CFAP74: variants seen among roughly 807,000 people sequenced by gnomAD.
CFAP74 encodes the protein cilia- and flagella-associated protein 74.
A neutral mutation model predicts 188.9 loss-of-function variants in CFAP74; 124 were observed. The ratio of observed to expected loss-of-function variants is 0.66; its 90% CI spans 0.57 to 0.76. The LOEUF (loss-of-function observed/expected upper bound fraction) is 0.76, where lower values mean the gene tolerates loss of function less well. Among genes scored for constraint, CFAP74 ranks in the 30% least tolerant of loss-of-function variants. The probability of loss-of-function intolerance (pLI) is 0.00; values close to 1 mark genes in which losing one functional copy is unlikely to be tolerated. For synonymous variants in CFAP74, 956 were observed against 916.7 expected, an observed-to-expected ratio of 1.04 and a Z score of -0.77; for missense variants, 2,198 against 2,165.2, an observed-to-expected ratio of 1.02 and a Z score of -0.30.
At position 1,973,009 on chromosome 1, in the gene CFAP74, T is replaced by G. The variant is rs942632674; in HGVS notation, c.713A>C (p.His238Pro). 2 of 1,614,014 alleles carry G rather than the reference T, an allele frequency of 1.2e-6. No individual in the cohort carries two copies. The highest frequency in any genetic ancestry group is 1.7e-6 in the Non-Finnish European group (2 of 1,179,996). ...LNTQKELGLR[H>P]QKLLEDARKN... The stretch of plus-strand genomic sequence containing the variant: ...CCGGGCGTCCTCCAGCAGCTTCTGG[T>G]GCCTGAGCCCGAGCTCCTTCTGGGT... Residue 238 changes from histidine to proline, a missense_variant, in exon 8 of 39, where the codon CAC becomes CCC. By Grantham distance (77) the His-to-Pro change is moderately conservative. Coordinates refer to ENST00000682832, the MANE Select transcript of CFAP74 (RefSeq NM_001304360.2). The surrounding 1 kb of genome is among the most constrained non-coding windows in gnomAD (Gnocchi z 6.2).
In CFAP74 at chr1:1,944,432, G is replaced by A. The variant is rs1286009484; in HGVS notation, c.2385C>T (p.Gly795=). The change falls in exon 21 of 39, where the codon GGC becomes GGT. Residue 795 remains glycine, a synonymous_variant. Transcript: ENST00000682832. ...CCCAGACCGGCACATCGATGGCCAC[G>A]CCCACGACCCTGAAATGCAGCTGCA... The part of the protein sequence containing the change: ...QCPTLHFRVV[G]VAIDVPVWVP... 6.5e-7 allele frequency: 1 copy of A among 1,536,050 alleles called. No homozygotes were observed. Among genetic ancestry groups the A allele is most frequent in the Non-Finnish European group, 8.7e-7 (1 of 1,146,880 alleles).
At chr1:1,963,953 G>T in intron 13 of CFAP74, 86 bp from the exon 14 acceptor site, 1 of 852,532 alleles carries the variant, frequency 1.2e-6, no homozygotes, top group Admixed American at 2.0e-5. Flanking sequence ...CAAGGTAACC[G>T]CTGGTGAGCA....
chr1:1,927,870 C>T (rs530174643), intron 27 of CFAP74, 124 bp from the exon 28 acceptor site: 20 of 1,128,726 alleles, frequency 1.8e-5, no homozygotes, highest in Middle Eastern at 2.3e-4. Flanking sequence ...AATGTGGGGA[C>T]GCAAAAGCCG....
intron 6 of CFAP74, among the ~76,000 whole-genome samples, chr1:1,982,168 C>A (rs1324871445): frequency 1.3e-5 from 2 of 148,660 alleles, no homozygotes; most frequent in Non-Finnish European, 3.0e-5. Flanking sequence ...CACAGGACAC[C>A]CAGCCACGGA....
At chr1:1,965,249 T>C (rs559939827) in intron 12 of CFAP74, among the ~76,000 whole-genome samples, 188 bp from the exon 13 acceptor site, 66 of 140,940 alleles carry the variant, frequency 4.7e-4, no homozygotes, top group African/African-American at 1.7e-3. Context: ...AGAAAGGCCC[T>C]GGGGACCGAC....
chr1:1,968,972 G>C lies in CFAP74; in HGVS notation c.1047-139C>G. The C allele has an allele frequency of 2.4e-6, 1 of 422,028 alleles. No homozygotes were observed. The highest frequency in any genetic ancestry group is 2.5e-5 in the South Asian group (1 of 40,056). The allele number at this position is 422,028 out of a possible 1,614,324, so 26.1% of individuals were successfully genotyped here. A position where few individuals can be genotyped will look rare whatever the true frequency, so the allele number is the denominator to read the frequency against. On this transcript the variant is annotated intron_variant, in intron 10 of 38. Coordinates refer to ENST00000682832, the MANE Select transcript of CFAP74 (RefSeq NM_001304360.2). The surrounding 1 kb of genome is among the most constrained non-coding windows in gnomAD (Gnocchi z 4.3). ...GCCCAGCAGCCCCAGGTGAGACAGCGCCTGGCGGCCCCTCCCTAGCTCCCT... is the reference window on the plus strand; with the variant it reads ...GCCCAGCAGCCCCAGGTGAGACAGCCCCTGGCGGCCCCTCCCTAGCTCCCT...
intron 1 of CFAP74, among the ~76,000 whole-genome samples, chr1:1,994,627 G>A (rs1363639577): frequency 6.6e-6 from 1 of 152,224 alleles, no homozygotes; most frequent in African/African-American, 2.4e-5. Context: ...AACCTATTCA[G>A]CTCTGTGCTT....
chr1:1,924,649 C>T (rs1051407364), intron 33 of CFAP74, 129 bp from the exon 34 acceptor site: 55 of 957,446 alleles, frequency 5.7e-5, no homozygotes, highest in South Asian at 2.1e-4. Flanking sequence ...GGCCTGATGA[C>T]GCCAGCACAC....
intron 14 of CFAP74, among the ~76,000 whole-genome samples, 155 bp downstream of exon 14, chr1:1,963,594 G>A (rs1655251132): frequency 6.6e-6 from 1 of 150,986 alleles, no homozygotes; most frequent in South Asian, 2.1e-4. Flanking sequence ...GACACAAGAA[G>A]ACAGAGGAGC....
At chr1:1,990,786 A>C in intron 2 of CFAP74, 104 bp downstream of exon 2, 1 of 788,660 alleles carries the variant, frequency 1.3e-6, no homozygotes, top group South Asian at 1.9e-5. Flanking sequence ...AGTGTAAAAG[A>C]TACCCTCTCC....
chr1:1,966,549 C>T (rs748063922), intron 11 of CFAP74, 23 bp from the exon 12 acceptor site: 28 of 1,501,058 alleles, frequency 1.9e-5, no homozygotes, highest in Non-Finnish European at 2.2e-5. Context: ...AGAGGAACAT[C>T]GCAAAGACAC....
rs768757860 is a variant in CFAP74, at chr1:1,990,996, A to G, written c.-19-21T>C. On this transcript the variant is annotated intron_variant, in intron 1 of 38. Coordinates refer to ENST00000682832, the MANE Select transcript of CFAP74 (RefSeq NM_001304360.2). ...ATTAGCTGCAAAAGATGATCGCAAA[A>G]TATAGATCAATAAAATCATAGATTT... 1.3e-5 allele frequency: 19 copies of G among 1,440,492 alleles called. No homozygotes were observed. In the African/African-American group the frequency reaches 2.4e-4, roughly 18 times the overall value. The allele number at this position is 1,440,492 out of a possible 1,614,324, so 89.2% of individuals were successfully genotyped here. A position where few individuals can be genotyped will look rare whatever the true frequency, so the allele number is the denominator to read the frequency against.
intron 13 of CFAP74, 44 bp from the exon 14 acceptor site, chr1:1,963,911 G>A (rs1249462362): frequency 2.3e-6 from 3 of 1,295,202 alleles, no homozygotes; most frequent in Admixed American, 1.7e-5. Flanking sequence ...GTCACAGGGG[G>A]CTGTGCTGTG....
intron 26 of CFAP74, 143 bp from the exon 27 acceptor site, chr1:1,929,025 G>A: frequency 1.6e-6 from 1 of 614,018 alleles, no homozygotes; most frequent in Non-Finnish European, 2.9e-6. Flanking sequence ...TGCCCCTTCA[G>A]GAAGCCCCTC....
At chr1:1,971,932 C>A in intron 9 of CFAP74, 48 bp downstream of exon 9, 2 of 1,473,264 alleles carry the variant, frequency 1.4e-6, no homozygotes, top group South Asian at 2.3e-5. Flanking sequence ...AGGGACGGAC[C>A]CCGGCAGGGC....
At chr1:1,982,067 C>T (rs377016786) in intron 6 of CFAP74, among the ~76,000 whole-genome samples, 1 of 89,272 alleles carries the variant, frequency 1.1e-5, no homozygotes, top group Non-Finnish European at 2.6e-5. Flanking sequence ...GGACACCCAG[C>T]CGTGGTCACA....
At position 1,968,937 on chromosome 1, in the gene CFAP74, C is replaced by G; in HGVS notation, c.1047-104G>C. The G allele has an allele frequency of 1.6e-6, 1 of 617,006 alleles. No homozygotes were observed. Among genetic ancestry groups the G allele is most frequent in the Non-Finnish European group, 2.5e-6 (1 of 406,286 alleles). 38.2% of individuals were successfully genotyped at this position (617,006 alleles called of 1,614,324 possible). On this transcript the variant is annotated intron_variant, in intron 10 of 38. Coordinates refer to ENST00000682832, the MANE Select transcript of CFAP74 (RefSeq NM_001304360.2). The surrounding 1 kb of genome is among the most constrained non-coding windows in gnomAD (Gnocchi z 4.3). ...CCCCTCCCTAGCGCCCTCCTGGGGGCTCCGGTCCTGCCCAGCAGCCCCAGG... is the reference window on the plus strand; with the variant it reads ...CCCCTCCCTAGCGCCCTCCTGGGGGGTCCGGTCCTGCCCAGCAGCCCCAGG...
At position 1,923,605 on chromosome 1, in the gene CFAP74, C is replaced by T; in HGVS notation, c.4390-106G>A. Reference sequence around the variant, plus strand: ...GAAGGAAGCAGGGACGGCCTGGGGGCCCCGTGGGGCCCTGGACTCTGGTCT... The same window carrying T: ...GAAGGAAGCAGGGACGGCCTGGGGGTCCCGTGGGGCCCTGGACTCTGGTCT... On this transcript the variant is annotated intron_variant, in intron 35 of 38. Coordinates refer to ENST00000682832, the MANE Select transcript of CFAP74 (RefSeq NM_001304360.2). The surrounding 1 kb of genome is among the most constrained non-coding windows in gnomAD (Gnocchi z 6.3). 6.6e-7 allele frequency: 1 copy of T among 1,524,516 alleles called. No individual in the cohort carries two copies. 94.4% of individuals were successfully genotyped at this position (1,524,516 alleles called of 1,614,324 possible). A position where few individuals can be genotyped will look rare whatever the true frequency, so the allele number is the denominator to read the frequency against.
At chr1:1,969,398 CAGCTT>C (rs1414851537) in intron 10 of CFAP74, among the ~76,000 whole-genome samples, 1 of 147,388 alleles carries the variant, frequency 6.8e-6, no homozygotes, top group African/African-American at 2.5e-5. Context: ...CAGCCTTGCC[CAGCTT>C]AGCCCTGCCC....
Sources: gnomAD v4.1 joint callset for allele counts (sites outside exome capture counted in the v4.1 genomes callset) on GRCh38, gnomAD v4.1.1 for gene constraint, Gnocchi (gnomAD v3.1) non-coding constraint, MANE v1.5 for transcripts, NCBI Gene and HGNC (gene_info 2026-07-23, HGNC 2026-07-21) for gene names.